RNF10: variants seen among roughly 807,000 people sequenced by gnomAD.
The protein encoded by RNF10 is ring finger protein 10.
Under a neutral mutation model 91.4 loss-of-function variants are expected in RNF10, and 38 were observed. The ratio of observed to expected loss-of-function variants is 0.42; its 90% CI spans 0.32 to 0.54. The LOEUF is 0.54. Among genes scored for constraint, RNF10 ranks in the 20% least tolerant of loss-of-function variants. The probability of loss-of-function intolerance (pLI) is 0.16; values close to 1 mark genes in which losing one functional copy is unlikely to be tolerated. For missense variants in RNF10, 945 were observed against 1,012.0 expected, an observed-to-expected ratio of 0.93 and a Z score of 0.90; for synonymous variants, 364 against 366.3, an observed-to-expected ratio of 0.99 and a Z score of 0.07.
chr12:120,575,718 T>C (rs1265571833), intron 15 of RNF10, 30 bp downstream of exon 15: 1 of 1,613,850 alleles, frequency 6.2e-7, no homozygotes. Context: ...GAAGGGGGAG[T>C]TTGGCTTCTT....
intron 1 of RNF10, among the ~76,000 whole-genome samples, chr12:120,536,267 A>G (rs1209706028): frequency 2.0e-5 from 3 of 152,008 alleles, no homozygotes; most frequent in Non-Finnish European, 4.4e-5. Flanking sequence ...CATAAGAAAA[A>G]AAAAAAATTA....
At chr12:120,553,038 GTTTTTTTTTTTTTTTTTTTTTT>G (rs3049493) in intron 3 of RNF10, among the ~76,000 whole-genome samples, 1 of 90,934 alleles carries the variant, frequency 1.1e-5, no homozygotes, top group Non-Finnish European at 2.1e-5. Flanking sequence ...AAGAGGAAAG[GTTTTTTTTTTTTTTTTTTTTTT>G]TTTTTTTTTT....
chr12:120,550,128 T>G (rs1872834375), intron 2 of RNF10, among the ~76,000 whole-genome samples: 1 of 152,148 alleles, frequency 6.6e-6, no homozygotes, highest in Admixed American at 6.5e-5. Context: ...TATATTAAAT[T>G]CAATATATCT....
At chr12:120,569,921 GTC>G (rs1176980502) in intron 13 of RNF10, among the ~76,000 whole-genome samples, 4 of 151,580 alleles carry the variant, frequency 2.6e-5, no homozygotes, top group African/African-American at 7.3e-5. Flanking sequence ...GATGGAGTCT[GTC>G]TCTCTGTCGC....
intron 14 of RNF10, among the ~76,000 whole-genome samples, chr12:120,573,671 C>CGAGT (rs1365720473): frequency 6.6e-6 from 1 of 152,002 alleles, no homozygotes; most frequent in African/African-American, 2.4e-5. Flanking sequence ...TGCTTCCACT[C>CGAGT]ATGGTACACG....
intron 13 of RNF10, among the ~76,000 whole-genome samples, chr12:120,569,053 C>T (rs1876198053): frequency 6.6e-6 from 1 of 152,204 alleles, no homozygotes; most frequent in Non-Finnish European, 1.5e-5. Flanking sequence ...TTACTGCAAC[C>T]TCTGCCTCCT....
At chr12:120,548,617 C>T (rs1218919351) in intron 2 of RNF10, among the ~76,000 whole-genome samples, 2 of 150,344 alleles carry the variant, frequency 1.3e-5, no homozygotes, top group East Asian at 1.9e-4. Context: ...AGATGTGAGG[C>T]GGTGCTTGAA....
intron 13 of RNF10, among the ~76,000 whole-genome samples, 158 bp from the exon 14 acceptor site, chr12:120,571,033 A>T (rs1013059103): frequency 1.3e-5 from 2 of 151,874 alleles, no homozygotes; most frequent in African/African-American, 4.8e-5. Flanking sequence ...GCTTTTTAAG[A>T]ACATGGAAGA....
At chr12:120,562,884 T>G (rs1875096539) in intron 7 of RNF10, 61 bp from the exon 8 acceptor site, 1 of 1,608,372 alleles carries the variant, frequency 6.2e-7, no homozygotes, top group Non-Finnish European at 8.5e-7. Context: ...GCCCTTGCCC[T>G]TCAAGCTAAG....
Position 120,552,608 on chromosome 12 carries a change from G to A in RNF10, c.464G>A (p.Gly155Asp), listed in dbSNP as rs1873281309. Residue 155 changes from glycine (G) to aspartate (D), a missense_variant, in exon 3 of 17, where the codon GGT (glycine) becomes GAT (aspartate). Transcript: ENST00000325954. ...NFTFEPRGQT[G>D]HFEGSGHGSW... The stretch of plus-strand genomic sequence containing the variant: ...ACTTTTGAACCCCGTGGCCAGACGG[G>A]TCACTTTGAAGGCAGTGGACATGGT... 2 of 1,614,188 alleles carry A rather than the reference G, an allele frequency of 1.2e-6. No individual in the cohort carries two copies. Among genetic ancestry groups the A allele is most frequent in the Non-Finnish European group, 1.7e-6 (2 of 1,180,038 alleles).
Position 120,534,945 on chromosome 12 carries a change from C to T in RNF10, c.134C>T (p.Ala45Val). The T allele has an allele frequency of 1.2e-6, 2 of 1,601,212 alleles. No homozygotes were observed. Among genetic ancestry groups the T allele is most frequent in the Non-Finnish European group, 1.7e-6 (2 of 1,179,054 alleles). ...QPPRSASAGP[A>V]GESKPKSDGK... ...CCCCGCTCCGCCTCGGCGGGGCCAG[C>T]CGGCGAGTCTAAACCCAAGAGCGGT... Residue 45 changes from alanine (A) to valine (V), a missense_variant, in exon 1 of 17, where the codon GCC (alanine) becomes GTC (valine). Ala to Val is a moderately conservative substitution (Grantham distance 64). Coordinates refer to ENST00000325954, the MANE Select transcript of RNF10 (RefSeq NM_014868.5).
At chr12:120,541,608 G>A (rs1366226723) in intron 1 of RNF10, among the ~76,000 whole-genome samples, 1 of 151,344 alleles carries the variant, frequency 6.6e-6, no homozygotes, top group Non-Finnish European at 1.5e-5. Flanking sequence ...CTAATTTTTT[G>A]TATTTTTAGT....
intron 1 of RNF10, chr12:120,539,337 C>G: frequency 8.8e-7 from 1 of 1,134,480 alleles, no homozygotes; most frequent in Non-Finnish European, 1.2e-6. Context: ...TGCATCATTC[C>G]TGATACCACC....
intron 8 of RNF10, 27 bp from the exon 9 acceptor site, chr12:120,563,320 C>G (rs1000171510): frequency 6.3e-7 from 1 of 1,588,096 alleles, no homozygotes; most frequent in Non-Finnish European, 8.6e-7. Context: ...GATATCCTTT[C>G]TGTTGACTTA....
At chr12:120,561,760 T>C (rs1429566359) in intron 7 of RNF10, among the ~76,000 whole-genome samples, 1 of 152,210 alleles carries the variant, frequency 6.6e-6, no homozygotes, top group Non-Finnish European at 1.5e-5. Context: ...TAGAGTCCTG[T>C]GTATTTAACT....
rs1343390907 is a variant in RNF10 at position 120,562,267 on chromosome 12, CTTTCTTTTTTT to C, written c.1129-674_1129-664del. On this transcript the variant is annotated intron_variant, in intron 7 of 16. Transcript: ENST00000325954. ...CGATATTTGGTTTTTCTTTTTCTTT[CTTTCTTTTTTT>C]TTTTTTTTTTTTTGAGACAGAGTTT... Among the ~76,000 whole-genome samples the C allele has an allele frequency of 3.0e-4, 31 of 102,222 alleles. No homozygotes were observed. The East Asian group carries it at 9.5e-3, about 31-fold the overall frequency. The allele number at this position is 102,222 out of a possible 152,430, so 67.1% of individuals were successfully genotyped here. A position where few individuals can be genotyped will look rare whatever the true frequency, so the allele number is the denominator to read the frequency against.
chr12:120,534,670 A>G lies in RNF10; in HGVS notation c.-142A>G. The stretch of plus-strand genomic sequence containing the variant: ...CTTCTCTTCCTAGTTTGAGAAGCCA[A>G]GGAAGGAAACAGGGAAAAATGTCGC... On this transcript the variant is annotated 5_prime_UTR_variant, in exon 1 of 17. Coordinates refer to ENST00000325954, the MANE Select transcript of RNF10 (RefSeq NM_014868.5). The G allele has an allele frequency of 5.8e-6, 8 of 1,373,362 alleles. No homozygotes were observed. Among genetic ancestry groups the G allele is most frequent in the Non-Finnish European group, 7.5e-6 (8 of 1,072,340 alleles). 85.1% of individuals were successfully genotyped at this position (1,373,362 alleles called of 1,614,324 possible). A position where few individuals can be genotyped will look rare whatever the true frequency, so the allele number is the denominator to read the frequency against.
At chr12:120,564,615 A>G (rs1023132863) in intron 10 of RNF10, among the ~76,000 whole-genome samples, 6 of 152,136 alleles carry the variant, frequency 3.9e-5, no homozygotes, top group African/African-American at 1.4e-4. Context: ...GAAAAAAAAA[A>G]TTGGGCTTCA....
At chr12:120,560,157 T>G (rs949585202) in intron 6 of RNF10, among the ~76,000 whole-genome samples, 4 of 150,574 alleles carry the variant, frequency 2.7e-5, no homozygotes, top group African/African-American at 7.3e-5. Context: ...TTTTTTTGTT[T>G]TTTTTTTTTT....
Sources: allele counts gnomAD v4.1 joint callset (sites outside exome capture counted in the v4.1 genomes callset), GRCh38; gene constraint gnomAD v4.1.1; transcripts MANE v1.5; gene names NCBI Gene and HGNC (gene_info 2026-07-23, HGNC 2026-07-21).